The following LRIG2 variants were observed in gnomAD, a reference collection of about 807,000 sequenced individuals.
LRIG2 encodes leucine rich repeats and immunoglobulin like domains 2, also known as leucine-rich repeats and immunoglobulin-like domains protein 2.
In LRIG2, 93 loss-of-function variants were observed where a neutral mutation model predicts 107.8. The observed-to-expected ratio is 0.86, with a 90% CI of 0.73 to 1.03. LRIG2 has a LOEUF of 1.03. Among genes scored for constraint, LRIG2 ranks in the 50% least tolerant of loss-of-function variants. The probability of loss-of-function intolerance (pLI) is 0.00; values close to 1 mark genes in which losing one functional copy is unlikely to be tolerated. For synonymous variants in LRIG2, 471 were observed against 470.6 expected (o/e 1.00, Z -0.01); for missense variants, 1,226 against 1,296.0 (o/e 0.95, Z 0.83).
At chr1:113,089,676 CTTTTTTT>C (rs35515644) in intron 1 of LRIG2, among the ~76,000 whole-genome samples, 16 of 71,674 alleles carry the variant, frequency 2.2e-4, no homozygotes, top group Non-Finnish European at 2.5e-4. Context: ...AGGTGGATTG[CTTTTTTT>C]TTTTTTTTTT....
At position 113,132,235 on chromosome 1, in the gene LRIG2, C is replaced by A. The variant is rs1007313318; in HGVS notation, c.*8134C>A. 3 of 152,078 alleles carry A rather than the reference C, an allele frequency of 2.0e-5. No homozygotes were observed. Among genetic ancestry groups the A allele is most frequent in the African/African-American group, 7.2e-5 (3 of 41,406 alleles). The allele number at this position is 152,078 out of a possible 1,614,324, so 9.4% of individuals were successfully genotyped here. A position where few individuals can be genotyped will look rare whatever the true frequency, so the allele number is the denominator to read the frequency against. ...TACTTGTTTGTCTACTATAATATGT[C>A]TTTAATAAAGCTAAAAACATTCTGA... On this transcript the variant is annotated 3_prime_UTR_variant, in exon 18 of 18. Coordinates refer to ENST00000361127, the MANE Select transcript of LRIG2 (RefSeq NM_014813.3).
chr1:113,112,591 A>G lies in LRIG2; in HGVS notation c.1911A>G (p.Lys637=). ...CTGCACCTCAGATTTCCTGGCAGAA[A>G]GATGGTGGTACTGACTTTCCTGCGG... The part of the protein sequence containing the change: ...GHPAPQISWQ[K]DGGTDFPAAR... Residue 637 remains lysine, a synonymous_variant, in exon 14 of 18, where the codon AAA becomes AAG. Transcript: ENST00000361127. 6.2e-7 allele frequency: 1 copy of G among 1,614,200 alleles called. No homozygotes were observed. Among genetic ancestry groups the G allele is most frequent in the Non-Finnish European group, 8.5e-7 (1 of 1,180,024 alleles).
rs1655154981 is a variant in LRIG2, at chr1:113,119,478, G to C, written c.2926G>C (p.Glu976Gln). 1 of 1,614,056 alleles carries C rather than the reference G, an allele frequency of 6.2e-7. No individual in the cohort carries two copies. Among genetic ancestry groups the C allele is most frequent in the African/African-American group, 1.3e-5 (1 of 74,914 alleles). ...GCCATCTGCCTTTCCCACCAACCAT[G>C]AGAGGATAAGTGAGAAGAAACTTCC... is the stretch of plus-strand genomic sequence containing the variant. ...REPSAFPTNH[E>Q]RISEKKLPST... Residue 976 changes from glutamate (E) to glutamine (Q), a missense_variant, in exon 17 of 18, where the codon GAG becomes CAG. Transcript: ENST00000361127.
At chr1:113,119,034 A>G (rs1401351366) in intron 16 of LRIG2, among the ~76,000 whole-genome samples, 199 bp from the exon 17 acceptor site, 1 of 152,194 alleles carries the variant, frequency 6.6e-6, no homozygotes, top group Admixed American at 6.5e-5. Context: ...AGTGGGGATA[A>G]TAATAATACC....
At chr1:113,100,120 A>T in intron 9 of LRIG2, 91 bp from the exon 10 acceptor site, 2 of 678,810 alleles carry the variant, frequency 2.9e-6, no homozygotes, top group South Asian at 2.5e-5. Flanking sequence ...AAAGTACGCT[A>T]CGCTTATTTT....
intron 1 of LRIG2, 152 bp from the exon 2 acceptor site, chr1:113,091,166 T>G (rs539117184): frequency 2.1e-6 from 1 of 482,320 alleles, no homozygotes; most frequent in South Asian, 4.0e-5. Context: ...TCAGGTGATC[T>G]GCCTGCCTCA....
chr1:113,123,548 C>G (rs894919362), intron 17 of LRIG2, among the ~76,000 whole-genome samples: 1 of 151,934 alleles, frequency 6.6e-6, no homozygotes, highest in Non-Finnish European at 1.5e-5. Context: ...CACTCCAGCC[C>G]GGGCAACAAG....
At chr1:113,093,054 AATAC>A in intron 2 of LRIG2, 148 bp from the exon 3 acceptor site, 1 of 577,706 alleles carries the variant, frequency 1.7e-6, no homozygotes, top group Non-Finnish European at 3.1e-6. Context: ...TTTCTCAATA[AATAC>A]ATTTTTATTT....
intron 11 of LRIG2, among the ~76,000 whole-genome samples, chr1:113,105,554 A>G (rs1654505729): frequency 6.6e-6 from 1 of 152,210 alleles, no homozygotes. Context: ...ATAAATGTTG[A>G]CCTAAAAAGT....
At chr1:113,090,515 C>T (rs1653754194) in intron 1 of LRIG2, among the ~76,000 whole-genome samples, 1 of 151,754 alleles carries the variant, frequency 6.6e-6, no homozygotes, top group African/African-American at 2.4e-5. Context: ...CTCAAATTGA[C>T]ATTTAAGAGG....
chr1:113,123,724 T>A (rs1451383311), intron 17 of LRIG2, 151 bp from the exon 18 acceptor site: 1 of 573,930 alleles, frequency 1.7e-6, no homozygotes, highest in African/African-American at 2.5e-5. Context: ...CTGGTGGTGG[T>A]TTTTGTGTGT....
Position 113,119,390 on chromosome 1 carries a change from T to C in LRIG2, c.2838T>C (p.Tyr946=). The C allele has an allele frequency of 6.2e-7, 1 of 1,613,966 alleles. No homozygotes were observed. The highest frequency in any genetic ancestry group is 8.5e-7 in the Non-Finnish European group (1 of 1,180,004). The part of the protein sequence containing the change: ...SLMVQMPKET[Y]LVHPPQDTTA... ...TGGTCCAAATGCCTAAAGAGACATA[T>C]TTAGTACATCCTCCCCAGGATACTA... Residue 946 remains tyrosine (Y), a synonymous_variant, in exon 17 of 18, where the codon TAT becomes TAC. Coordinates refer to ENST00000361127, the MANE Select transcript of LRIG2 (RefSeq NM_014813.3).
rs571646492 is a variant in LRIG2, at chr1:113,093,330, AT to A, written c.380+60del. On this transcript the variant is annotated intron_variant, in intron 3 of 17. Transcript: ENST00000361127. ...TTTACTTAAATTATGAAAAGTATAC[AT>A]TTTTTTTTTAAAGCACATATATTGT... 3.1e-3 allele frequency: 4,368 copies of A among 1,423,644 alleles called. 6 individuals carry two copies. The highest frequency in any genetic ancestry group is 0.01 in the African/African-American group (695 of 68,670). 88.2% of individuals were successfully genotyped at this position (1,423,644 alleles called of 1,614,324 possible).
chr1:113,097,173 A>T (rs1654103822), intron 8 of LRIG2, among the ~76,000 whole-genome samples: 1 of 150,546 alleles, frequency 6.6e-6, no homozygotes, highest in South Asian at 2.1e-4. Context: ...TGTGAACTTT[A>T]TATATTTATA....
chr1:113,121,077 A>G (rs975127314), intron 17 of LRIG2, among the ~76,000 whole-genome samples: 1 of 152,094 alleles, frequency 6.6e-6, no homozygotes, highest in African/African-American at 2.4e-5. Flanking sequence ...TGGCCTCCCA[A>G]AGTGCTGGGA....
intron 17 of LRIG2, 33 bp from the exon 18 acceptor site, chr1:113,123,842 T>G: frequency 1.3e-6 from 2 of 1,575,410 alleles, no homozygotes; most frequent in Non-Finnish European, 1.7e-6. Context: ...GTTTTACCAG[T>G]CACTACTGAT....
intron 12 of LRIG2, among the ~76,000 whole-genome samples, chr1:113,108,697 C>G (rs1381978586): frequency 6.6e-6 from 1 of 151,352 alleles, no homozygotes; most frequent in Non-Finnish European, 1.5e-5. Flanking sequence ...GCCAGCATGG[C>G]GAAACCCTGA....
chr1:113,080,836 G>GGT (rs1653240999), intron 1 of LRIG2, among the ~76,000 whole-genome samples: 1 of 84,610 alleles, frequency 1.2e-5, no homozygotes, highest in African/African-American at 5.0e-5. Context: ...AACACTAAAA[G>GGT]TTTTTTTTTT....
At chr1:113,122,008 T>A (rs765107786) in intron 17 of LRIG2, among the ~76,000 whole-genome samples, 2 of 151,648 alleles carry the variant, frequency 1.3e-5, no homozygotes, top group Non-Finnish European at 2.9e-5. Context: ...ATTTACTACT[T>A]CATGTCCCAC....
Sources: gnomAD v4.1 joint callset for allele counts (sites outside exome capture counted in the v4.1 genomes callset) on GRCh38, gnomAD v4.1.1 for gene constraint, MANE v1.5 for transcripts, NCBI Gene and HGNC (gene_info 2026-07-23, HGNC 2026-07-21) for gene names.